CHD9: variants seen among roughly 807,000 people sequenced by gnomAD.
CHD9 encodes the protein chromodomain helicase DNA binding protein 9.
Under a neutral mutation model 316.1 loss-of-function variants are expected in CHD9, and 77 were observed. That is an observed-to-expected ratio of 0.24 (90% CI 0.20 to 0.29). CHD9 has a LOEUF of 0.29. Among genes scored for constraint, CHD9 ranks in the 10% least tolerant of loss-of-function variants. The pLI is 1.00. For missense variants in CHD9, 2,763 were observed against 3,438.1 expected, an observed-to-expected ratio of 0.80 and a Z score of 4.91; for synonymous variants, 1,129 against 1,158.3, an observed-to-expected ratio of 0.97 and a Z score of 0.51.
Position 53,288,145 on chromosome 16 carries a change from A to G in CHD9, c.5247+131A>G, listed in dbSNP as rs1352583994. On this transcript the variant is annotated intron_variant, in intron 27 of 38. Coordinates refer to ENST00000447540, the MANE Select transcript of CHD9 (RefSeq NM_001308319.2). Reference sequence around the variant, plus strand: ...TTCTGTTCCTCAGATTAGCTAAGTAAGTGATCAACTTGGGTTGACAAACAT... The same window carrying G: ...TTCTGTTCCTCAGATTAGCTAAGTAGGTGATCAACTTGGGTTGACAAACAT... 1.5e-5 allele frequency: 10 copies of G among 673,872 alleles called. No individual in the cohort carries two copies. In the East Asian group the frequency reaches 2.8e-4, roughly 19 times the overall value. The allele number at this position is 673,872 out of a possible 1,614,324, so 41.7% of individuals were successfully genotyped here.
chr16:53,056,431 C>T (rs912758997), intron 1 of CHD9, among the ~76,000 whole-genome samples: 2 of 152,220 alleles, frequency 1.3e-5, no homozygotes, highest in Non-Finnish European at 2.9e-5. Flanking sequence ...AGACTCCTGA[C>T]CATAACTTCC....
intron 1 of CHD9, among the ~76,000 whole-genome samples, chr16:53,107,450 A>C (rs1019872342): frequency 8.6e-5 from 13 of 150,382 alleles, no homozygotes; most frequent in Non-Finnish European, 1.3e-4. Flanking sequence ...ACAGAGTGAC[A>C]CTCCATCTCA....
rs199597250 is a variant in CHD9, at chr16:53,303,937, C to T, written c.5931C>T (p.His1977=). ...ATTTGCTTATTGGTGCTGCCAAACA[C>T]GGGGTGAGCCGAACAGACTATCACA... ...DRDLLIGAAK[H]GVSRTDYHIL... is the part of the protein sequence containing the mutation. Residue 1977 remains histidine, a synonymous_variant, in exon 31 of 39, where the codon CAC becomes CAT. Coordinates refer to ENST00000447540, the MANE Select transcript of CHD9 (RefSeq NM_001308319.2). 298 of 1,613,848 alleles carry T rather than the reference C, an allele frequency of 1.8e-4. No homozygotes were observed. Among genetic ancestry groups the T allele is most frequent in the Non-Finnish European group, 2.3e-4 (269 of 1,179,890 alleles).
At chr16:53,273,811 A>G in intron 23 of CHD9, 26 bp downstream of exon 23, 1 of 1,560,336 alleles carries the variant, frequency 6.4e-7, no homozygotes, top group South Asian at 1.2e-5. Flanking sequence ...TTTAAACACA[A>G]CTCTTTAAAT....
chr16:53,248,643 A>T (rs2049880667), intron 16 of CHD9, among the ~76,000 whole-genome samples: 1 of 148,890 alleles, frequency 6.7e-6, no homozygotes. Context: ...CTCCCACCTC[A>T]GCCTCCCAGG....
chr16:53,246,928 G>C (rs913100705), intron 15 of CHD9, among the ~76,000 whole-genome samples: 3 of 152,170 alleles, frequency 2.0e-5, no homozygotes, highest in African/African-American at 7.2e-5. Context: ...TATGATTGCT[G>C]TTTAAATATT....
At chr16:53,297,577 A>T (rs544938834) in intron 30 of CHD9, among the ~76,000 whole-genome samples, 1 of 152,354 alleles carries the variant, frequency 6.6e-6, no homozygotes, top group East Asian at 1.9e-4. Context: ...TTTCTAGAAA[A>T]GATCTCCCAG....
chr16:53,193,597 T>C (rs1169959511), intron 2 of CHD9, among the ~76,000 whole-genome samples: 3 of 152,220 alleles, frequency 2.0e-5, no homozygotes, highest in African/African-American at 7.2e-5. Context: ...TTTGGTAAAG[T>C]GTCCATTCAA....
chr16:53,215,072 C>T (rs1182635152), intron 3 of CHD9, among the ~76,000 whole-genome samples: 1 of 152,072 alleles, frequency 6.6e-6, no homozygotes, highest in Non-Finnish European at 1.5e-5. Context: ...GCCACCACGC[C>T]CGGCTAATTT....
chr16:53,135,070 CAG>C (rs1015939606), intron 1 of CHD9, among the ~76,000 whole-genome samples: 8 of 152,018 alleles, frequency 5.3e-5, no homozygotes, highest in South Asian at 2.1e-4. Context: ...TAAGTGGAAA[CAG>C]AATAAGAAGA....
At chr16:53,235,904 A>G (rs1481896001) in intron 11 of CHD9, among the ~76,000 whole-genome samples, 7 of 152,216 alleles carry the variant, frequency 4.6e-5, no homozygotes, top group African/African-American at 1.7e-4. Flanking sequence ...TAGTAGTTAC[A>G]TATGCAAAAG....
chr16:53,152,501 A>G (rs558204956), intron 1 of CHD9, among the ~76,000 whole-genome samples: 1 of 152,300 alleles, frequency 6.6e-6, no homozygotes, highest in Non-Finnish European at 1.5e-5. Flanking sequence ...GCAAGAGAGA[A>G]GTGCAGCCAG....
intron 2 of CHD9, among the ~76,000 whole-genome samples, chr16:53,177,561 A>G (rs2043174427): frequency 6.6e-6 from 1 of 152,210 alleles, no homozygotes; most frequent in Admixed American, 6.5e-5. Context: ...TAGAGTCTAC[A>G]TAGCCTTTTA....
intron 1 of CHD9, among the ~76,000 whole-genome samples, chr16:53,109,864 T>G (rs1285360463): frequency 6.6e-6 from 1 of 150,598 alleles, no homozygotes; most frequent in Non-Finnish European, 1.5e-5. Context: ...TTTTGTATTT[T>G]TAGTAGAGAC....
intron 1 of CHD9, among the ~76,000 whole-genome samples, chr16:53,143,691 AATG>A: frequency 6.6e-6 from 1 of 152,226 alleles, no homozygotes; most frequent in African/African-American, 2.4e-5. Context: ...CCGGCCTCAT[AATG>A]ATTTTATATA....
chr16:53,314,360 AT>A lies in CHD9; in HGVS notation c.7223-12del. On this transcript the variant is annotated splice_polypyrimidine_tract_variant and intron_variant, in intron 34 of 38. Coordinates refer to ENST00000447540, the MANE Select transcript of CHD9 (RefSeq NM_001308319.2). ...AACTAAATTTGTATCACCATTTTGC[AT>A]TTTTAATTCAATTAGGTACTTCCAT... 1 of 1,523,728 alleles carries A rather than the reference AT, an allele frequency of 6.6e-7. No homozygotes were observed. The highest frequency in any genetic ancestry group is 2.3e-5 in the Admixed American group (1 of 43,134). The allele number at this position is 1,523,728 out of a possible 1,614,324, so 94.4% of individuals were successfully genotyped here.
At chr16:53,299,683 TG>T in intron 30 of CHD9, 1 of 337,610 alleles carries the variant, frequency 3.0e-6, no homozygotes, top group Non-Finnish European at 5.6e-6. Context: ...GGCCAGTTCC[TG>T]AGGAAACTCC....
intron 24 of CHD9, among the ~76,000 whole-genome samples, chr16:53,277,990 A>T (rs1331320689): frequency 6.6e-6 from 1 of 151,828 alleles, no homozygotes; most frequent in Non-Finnish European, 1.5e-5. Context: ...TAAATCAAGA[A>T]CTCAACTCCT....
At chr16:53,272,958 G>C (rs932480848) in intron 22 of CHD9, among the ~76,000 whole-genome samples, 1 of 151,920 alleles carries the variant, frequency 6.6e-6, no homozygotes. Flanking sequence ...GCGTGGTGGC[G>C]CATGCCTGTA....
Sources: allele counts gnomAD v4.1 joint callset (sites outside exome capture counted in the v4.1 genomes callset), GRCh38; gene constraint gnomAD v4.1.1; transcripts MANE v1.5; gene names NCBI Gene and HGNC (gene_info 2026-07-23, HGNC 2026-07-21).